Variants in KCNT2 observed in about 807,000 individuals in gnomAD.
KCNT2 encodes the protein potassium channel subfamily T member 2.
In KCNT2, 67 loss-of-function variants were observed where a neutral mutation model predicts 153.8. That is an observed-to-expected ratio of 0.44 (90% CI 0.36 to 0.53). The LOEUF is 0.53. KCNT2 is among the 20% of genes least tolerant of loss of function. KCNT2 has a pLI of 0.00. For synonymous variants in KCNT2, 500 were observed against 458.8 expected (o/e 1.09, Z -1.15); for missense variants, 975 against 1,354.8 (o/e 0.72, Z 4.40).
rs187411326 is a variant in KCNT2, at chr1:196,376,970, G to T, written c.1295-3722C>A. Among the ~76,000 whole-genome samples the T allele has an allele frequency of 6.8e-4, 103 of 151,974 alleles. 3 individuals carry two copies. In the East Asian group the frequency reaches 0.017, roughly 25 times the overall value. ...TGGGTGTAAATGGCAGTGAAGATTT[G>T]GTAGGGACAATGAATTGTAGGTCTT... On this transcript the variant is annotated intron_variant, in intron 13 of 27. Coordinates refer to ENST00000294725, the MANE Select transcript of KCNT2 (RefSeq NM_198503.5).
intron 5 of KCNT2, among the ~76,000 whole-genome samples, chr1:196,474,857 A>G (rs559910855): frequency 3.3e-5 from 5 of 152,316 alleles, no homozygotes; most frequent in African/African-American, 1.2e-4. Flanking sequence ...ATGATGATTT[A>G]AGCACAGACC....
At chr1:196,284,966 C>T (rs781111384) in intron 23 of KCNT2, among the ~76,000 whole-genome samples, 6 of 152,180 alleles carry the variant, frequency 3.9e-5, no homozygotes, top group East Asian at 1.9e-4. Context: ...TAAAACTCTA[C>T]GAATATTTCT....
chr1:196,405,892 C>A (rs987864510), intron 12 of KCNT2, among the ~76,000 whole-genome samples: 1 of 151,406 alleles, frequency 6.6e-6, no homozygotes, highest in African/African-American at 2.4e-5. Flanking sequence ...ATTGAGCAAA[C>A]TAATCACAAA....
chr1:196,447,517 C>A (rs1365308691), intron 8 of KCNT2, among the ~76,000 whole-genome samples: 1 of 151,348 alleles, frequency 6.6e-6, no homozygotes, highest in Admixed American at 6.6e-5. Context: ...GAGAGATAAG[C>A]ATTATAAGGG....
Position 196,591,078 on chromosome 1 carries a change from CCCCAAT to C in KCNT2, c.95+17131_95+17136del, listed in dbSNP as rs1663289655. On this transcript the variant is annotated intron_variant, in intron 1 of 27. Transcript: ENST00000294725. ...CAAAAAAAGAGAGATAGAGAATGATCCCCAATGTTGGAGGTGGGGCTAATGGGAGGT... is the reference window on the plus strand; with the variant it reads ...CAAAAAAAGAGAGATAGAGAATGATCGTTGGAGGTGGGGCTAATGGGAGGT... Among the ~76,000 whole-genome samples the C allele has an allele frequency of 3.3e-5, 5 of 152,130 alleles. No homozygotes were observed. In the South Asian group the frequency reaches 1.0e-3, roughly 32 times the overall value.
At chr1:196,497,943 C>T (rs532302438) in intron 1 of KCNT2, among the ~76,000 whole-genome samples, 12 of 152,118 alleles carry the variant, frequency 7.9e-5, no homozygotes, top group East Asian at 7.7e-4. Context: ...CTAGTATCTT[C>T]GAATATGAAT....
rs923835866 is a variant in KCNT2, at chr1:196,299,357, T to TA, written c.2595+5876dup. Among the ~76,000 whole-genome samples the TA allele has an allele frequency of 1.2e-3, 168 of 144,810 alleles. 1 individual carries two copies. Among genetic ancestry groups the TA allele is most frequent in the African/African-American group, 3.6e-3 (141 of 39,362 alleles). The stretch of plus-strand genomic sequence containing the variant: ...GTAAATATCCAAGACAAGGATAACG[T>TA]AAAAAAAAAATCAGCAAAAAAAAGT... On this transcript the variant is annotated intron_variant, in intron 22 of 27. Transcript: ENST00000294725.
intron 11 of KCNT2, among the ~76,000 whole-genome samples, chr1:196,423,736 CA>C (rs57296160): frequency 0.27 from 40,550 of 149,034 alleles, 5,859 homozygotes; most frequent in Admixed American, 0.34. Flanking sequence ...AAATATTTTC[CA>C]AAAAAAAAAA....
At position 196,331,888 on chromosome 1, in the gene KCNT2, A is replaced by T. The variant is rs1009783599; in HGVS notation, c.1998-627T>A. Among the ~76,000 whole-genome samples, 4 of 152,242 alleles carry T rather than the reference A, an allele frequency of 2.6e-5. No individual in the cohort carries two copies. The South Asian group carries it at 8.3e-4, about 32-fold the overall frequency. The stretch of plus-strand genomic sequence containing the variant: ...GGTTAAAAACATAGTTTTTGTTGTA[A>T]TCATACTTAAAACATTATCAGAGAA... On this transcript the variant is annotated intron_variant, in intron 17 of 27. Transcript: ENST00000294725.
chr1:196,330,215 T>G (rs1240545166), intron 18 of KCNT2, among the ~76,000 whole-genome samples: 1 of 151,430 alleles, frequency 6.6e-6, no homozygotes, highest in Non-Finnish European at 1.5e-5. Context: ...TAGTCAAAAT[T>G]TATAATATTT....
intron 23 of KCNT2, among the ~76,000 whole-genome samples, chr1:196,283,784 G>C (rs911866038): frequency 2.0e-5 from 3 of 152,046 alleles, no homozygotes; most frequent in African/African-American, 7.2e-5. Context: ...ATGAAATAGA[G>C]TATATTCAGT....
chr1:196,585,309 A>T (rs1037007095), intron 1 of KCNT2, among the ~76,000 whole-genome samples: 3 of 152,168 alleles, frequency 2.0e-5, no homozygotes, highest in Admixed American at 6.6e-5. Flanking sequence ...TACACAAATT[A>T]TCTCTTCAAA....
In KCNT2 at chr1:196,454,725, G is replaced by GA. The variant is rs1180272077; in HGVS notation, c.638+10567dup. ...CTGTACTAGTTGTTGATTGCTGCAG[G>GA]AAAAAAAAATTACCACAAACAGCAT... is the stretch of plus-strand genomic sequence containing the variant. On this transcript the variant is annotated intron_variant, in intron 8 of 27. Coordinates refer to ENST00000294725, the MANE Select transcript of KCNT2 (RefSeq NM_198503.5). Among the ~76,000 whole-genome samples, 20 of 150,804 alleles carry GA rather than the reference G, an allele frequency of 1.3e-4. 1 individual carries two copies. The highest frequency in any genetic ancestry group is 3.2e-4 in the African/African-American group (13 of 41,184).
rs573623590 is a variant in KCNT2 at position 196,520,992 on chromosome 1, A to G, written c.96-28651T>C. On this transcript the variant is annotated intron_variant, in intron 1 of 27. Coordinates refer to ENST00000294725, the MANE Select transcript of KCNT2 (RefSeq NM_198503.5). ...GAGCTTCTGCTCAGCAAAATAAACT[A>G]TCAACAGAGTAAACAGACATTCTAC... is the stretch of plus-strand genomic sequence containing the variant. Among the ~76,000 whole-genome samples, 4 of 152,316 alleles carry G rather than the reference A, an allele frequency of 2.6e-5. No individual in the cohort carries two copies. In the East Asian group the frequency reaches 5.8e-4, roughly 22 times the overall value.
chr1:196,480,626 T>C (rs1245639114), intron 4 of KCNT2, among the ~76,000 whole-genome samples: 6 of 151,594 alleles, frequency 4.0e-5, no homozygotes, highest in Non-Finnish European at 7.4e-5. Flanking sequence ...GAGGCCGAGG[T>C]GGGCGGATCA....
At chr1:196,429,455 G>A (rs1673944098) in intron 9 of KCNT2, 122 bp downstream of exon 9, 1 of 519,396 alleles carries the variant, frequency 1.9e-6, no homozygotes, top group Admixed American at 3.7e-5. Context: ...TAAATGTAAT[G>A]ATAGTATGTG....
At chr1:196,470,860 C>G (rs1203042192) in intron 5 of KCNT2, among the ~76,000 whole-genome samples, 1 of 145,780 alleles carries the variant, frequency 6.9e-6, no homozygotes, top group African/African-American at 2.5e-5. Context: ...ATATATTGAC[C>G]CTAATTTCTT....
chr1:196,339,751 T>A (rs1665427536), intron 16 of KCNT2, among the ~76,000 whole-genome samples: 1 of 152,090 alleles, frequency 6.6e-6, no homozygotes, highest in East Asian at 1.9e-4. Flanking sequence ...TTGTAGATGG[T>A]TTGGAGGCCA....
intron 25 of KCNT2, among the ~76,000 whole-genome samples, chr1:196,271,101 C>T (rs986315771): frequency 7.3e-5 from 11 of 151,722 alleles, no homozygotes; most frequent in Non-Finnish European, 7.4e-5. Flanking sequence ...ATCTGAGAAC[C>T]AATGGATAAA....
Sources: gnomAD v4.1 joint callset for allele counts (sites outside exome capture counted in the v4.1 genomes callset) on GRCh38, gnomAD v4.1.1 for gene constraint, MANE v1.5 for transcripts, NCBI Gene and HGNC (gene_info 2026-07-23, HGNC 2026-07-21) for gene names.